The following TRPM4 variants were observed in gnomAD, a reference collection of about 807,000 sequenced individuals.
TRPM4 encodes calcium-activated non-selective cation channel 1.
A neutral mutation model predicts 135.6 loss-of-function variants in TRPM4; 124 were observed. That is an observed-to-expected ratio of 0.91 (90% CI 0.79 to 1.06). The LOEUF (loss-of-function observed/expected upper bound fraction) is 1.06. Ranked by LOEUF, TRPM4 falls within the 50% of genes least tolerant of loss-of-function variation. TRPM4 has a pLI of 0.00. For synonymous variants in TRPM4, 745 were observed against 705.6 expected, an observed-to-expected ratio of 1.06 and a Z score of -0.88; for missense variants, 1,658 against 1,671.4, an observed-to-expected ratio of 0.99 and a Z score of 0.14.
At chr19:49,199,342 TC>T (rs772764799) in intron 17 of TRPM4, among the ~76,000 whole-genome samples, 3 of 152,070 alleles carry the variant, frequency 2.0e-5, no homozygotes, top group Non-Finnish European at 4.4e-5. Flanking sequence ...CACTGCAACC[TC>T]CGCCTCCCGG....
At chr19:49,164,247 TTC>T (rs1415575751) in intron 2 of TRPM4, among the ~76,000 whole-genome samples, 1 of 150,932 alleles carries the variant, frequency 6.6e-6, no homozygotes, top group Non-Finnish European at 1.5e-5. Flanking sequence ...CTTTCTTTCT[TTC>T]TCTCTTTCTC....
chr19:49,182,829 T>A lies in TRPM4; in HGVS notation c.1515T>A (p.His505Gln), dbSNP rs1202211366. The A allele has an allele frequency of 9.9e-6, 16 of 1,613,096 alleles. No individual in the cohort carries two copies. The highest frequency in any genetic ancestry group is 1.4e-5 in the Non-Finnish European group (16 of 1,179,822). ...AGCTCCGGCCCCCTGACGTGGGGCA[T>A]GTGCTGAGGATGCTGCTGGGGAAGA... is the stretch of plus-strand genomic sequence containing the variant. ...AAELRPPDVGHVLRMLLGKMC... is the reference protein window; with the variant it reads ...AAELRPPDVGQVLRMLLGKMC... The change falls in exon 11 of 25, where the codon CAT (histidine) becomes CAA (glutamine). Residue 505 changes from histidine (H) to glutamine (Q), a missense_variant. This residue lies in a region of TRPM4 where 1,412 missense variants were observed against 1,408.7 expected (regional missense o/e 1.00). Coordinates refer to ENST00000252826, the MANE Select transcript of TRPM4 (RefSeq NM_017636.4).
chr19:49,176,474 C>T (rs895838137), intron 9 of TRPM4, among the ~76,000 whole-genome samples: 5 of 152,150 alleles, frequency 3.3e-5, no homozygotes, highest in African/African-American at 9.7e-5. Context: ...CTGCCTTGAC[C>T]TCCCAAAGTG....
chr19:49,161,631 A>G (rs1462732674), intron 2 of TRPM4, among the ~76,000 whole-genome samples: 1 of 86,486 alleles, frequency 1.2e-5, no homozygotes, highest in African/African-American at 3.7e-5. Context: ...ATACCCGGCT[A>G]CCTCTTTTTT....
chr19:49,199,796 T>C (rs1968846441), intron 17 of TRPM4, among the ~76,000 whole-genome samples: 1 of 152,070 alleles, frequency 6.6e-6, no homozygotes, highest in African/African-American at 2.4e-5. Flanking sequence ...ACCGCGTCTG[T>C]CCATACACTA....
At chr19:49,198,704 A>G (rs1968794933) in intron 17 of TRPM4, among the ~76,000 whole-genome samples, 1 of 148,978 alleles carries the variant, frequency 6.7e-6, no homozygotes, top group Non-Finnish European at 1.5e-5. Flanking sequence ...AATTGAATGG[A>G]TGAATCATCC....
chr19:49,200,254 G>T (rs373441675), intron 17 of TRPM4, 46 bp from the exon 18 acceptor site: 1 of 1,613,876 alleles, frequency 6.2e-7, no homozygotes, highest in Non-Finnish European at 8.5e-7. Flanking sequence ...CATTTTCCTT[G>T]GCGTCTTGTG....
intron 9 of TRPM4, among the ~76,000 whole-genome samples, chr19:49,175,256 G>A (rs1227865417): frequency 2.0e-5 from 3 of 151,924 alleles, no homozygotes; most frequent in Non-Finnish European, 4.4e-5. Context: ...TGTAGTTTTA[G>A]TAGAGATGGG....
intron 20 of TRPM4, among the ~76,000 whole-genome samples, chr19:49,209,387 GC>G (rs1189670236): frequency 3.3e-5 from 5 of 152,128 alleles, no homozygotes; most frequent in African/African-American, 1.2e-4. Context: ...CACCAGCACA[GC>G]CATCTGGTTT....
In TRPM4 at chr19:49,210,736, C is replaced by A. The variant is rs1195165470; in HGVS notation, c.3355C>A (p.Arg1119=). 6.2e-7 allele frequency: 1 copy of A among 1,614,134 alleles called. No homozygotes were observed. Among genetic ancestry groups the A allele is most frequent in the East Asian group, 2.2e-5 (1 of 44,880 alleles). Residue 1119 remains arginine (R), a synonymous_variant, in exon 22 of 25, where the codon CGG becomes AGG. Coordinates refer to ENST00000252826, the MANE Select transcript of TRPM4 (RefSeq NM_017636.4). The surrounding 1 kb of genome is among the most constrained non-coding windows in gnomAD (Gnocchi z 4.1). ...GGTTTACCTTTCTAAGGAAGCCGAG[C>A]GGAAGCTGCTAACGTGGGAATCGGT... The part of the protein sequence containing the change: ...FRVYLSKEAE[R]KLLTWESVHK...
chr19:49,210,827 A>G lies in TRPM4; in HGVS notation c.3446A>G (p.Lys1149Arg), dbSNP rs202010190. Residue 1149 changes from lysine to arginine, a missense_variant, in exon 22 of 25, where the codon AAG becomes AGG. Transcript: ENST00000252826. This position sits in a 1 kb window ranked among gnomAD's most constrained non-coding sequence, Gnocchi z 4.1. ...CGGGAGAGCGACTCCGAGCGTCTGA[A>G]GCGCACGTCCCAGAAGTGAGAGCGG... is the stretch of plus-strand genomic sequence containing the variant. ...DKRESDSERL[K>R]RTSQKVDLAL... The G allele has an allele frequency of 7.4e-6, 12 of 1,612,124 alleles. No individual in the cohort carries two copies. The East Asian group carries it at 2.5e-4, about 33-fold the overall frequency.
At chr19:49,182,548 T>C in intron 10 of TRPM4, 30 bp from the exon 11 acceptor site, 1 of 1,591,372 alleles carries the variant, frequency 6.3e-7, no homozygotes, top group East Asian at 2.2e-5. Context: ...TTTGAGCTAA[T>C]CTCTTCCCCT....
chr19:49,211,262 G>C lies in TRPM4; in HGVS notation c.3633G>C (p.Gly1211=). 2 of 1,582,112 alleles carry C rather than the reference G, an allele frequency of 1.3e-6. No individual in the cohort carries two copies. Among genetic ancestry groups the C allele is most frequent in the South Asian group, 1.1e-5 (1 of 87,668 alleles). Residue 1211 remains glycine (G), a synonymous_variant, in exon 24 of 25, where the codon GGG becomes GGC. Transcript: ENST00000252826. The surrounding 1 kb of genome is among the most constrained non-coding windows in gnomAD (Gnocchi z 4.8). ...PGGPPPPDLP[G]SKD ...GGCCGCCACCCCCTGACCTGCCTGG[G>C]TCCAAAGGTCAGTGTGTAGCATCAG... is the stretch of plus-strand genomic sequence containing the variant.
At chr19:49,161,042 G>A (rs550593881) in intron 2 of TRPM4, among the ~76,000 whole-genome samples, 37 of 152,164 alleles carry the variant, frequency 2.4e-4, no homozygotes, top group Non-Finnish European at 4.7e-4. Flanking sequence ...GGGAAATGTC[G>A]CTGAGTGCAA....
intron 2 of TRPM4, among the ~76,000 whole-genome samples, chr19:49,164,364 G>GTTTTTTTTTTTTTTT (rs869232937): frequency 1.8e-4 from 3 of 16,266 alleles, no homozygotes; most frequent in African/African-American, 2.5e-4. Flanking sequence ...TCTTTCCTTA[G>GTTTTTTTTTTTTTTT]TTTTTTTTTT....
At chr19:49,158,458 G>A (rs559916261) in intron 2 of TRPM4, 199 bp downstream of exon 2, 3 of 620,102 alleles carry the variant, frequency 4.8e-6, no homozygotes, top group Admixed American at 5.4e-5. Flanking sequence ...CCATTCTCCC[G>A]CTCAGGGTCA....
chr19:49,203,747 A>G (rs896219608), intron 20 of TRPM4, among the ~76,000 whole-genome samples: 5 of 152,162 alleles, frequency 3.3e-5, no homozygotes, highest in Admixed American at 1.3e-4. Flanking sequence ...TTTACTGAGC[A>G]TGTTTTCAAG....
At position 49,168,730 on chromosome 19, in the gene TRPM4, G is replaced by C. The variant is rs144767624; in HGVS notation, c.790G>C (p.Val264Leu). 6.3e-7 allele frequency: 1 copy of C among 1,587,900 alleles called. No homozygotes were observed. Among genetic ancestry groups the C allele is most frequent in the South Asian group, 1.1e-5 (1 of 87,654 alleles). The change falls in exon 6 of 25, where the codon GTG (valine) becomes CTG (leucine). Residue 264 changes from valine (V) to leucine (L), a missense_variant. Physicochemically the swap from Val to Leu is conservative, Grantham distance 32. Transcript: ENST00000252826. ...ESYISQQKTG[V>L]GGTGIDIPVL... ...CTACATCTCACAGCAGAAGACGGGC[G>C]TGGGAGGTGAGTGGTCGAACCCATG...
intron 15 of TRPM4, 122 bp downstream of exon 15, chr19:49,190,442 C>A: frequency 2.1e-6 from 2 of 935,202 alleles, no homozygotes; most frequent in South Asian, 1.5e-5. Flanking sequence ...AGGAATGGGA[C>A]TCTCTGTCCC....
Sources: gnomAD v4.1 joint callset for allele counts (sites outside exome capture counted in the v4.1 genomes callset) on GRCh38, gnomAD v4.1.1 for gene constraint, gnomAD v4.1.1 regional missense constraint, Gnocchi (gnomAD v3.1) non-coding constraint, MANE v1.5 for transcripts, NCBI Gene and HGNC (gene_info 2026-07-23, HGNC 2026-07-21) for gene names.